ZNRF3: variants seen among roughly 807,000 people sequenced by gnomAD.
ZNRF3 encodes the protein zinc and ring finger 3, also known as E3 ubiquitin-protein ligase ZNRF3.
Under a neutral mutation model 72.5 loss-of-function variants are expected in ZNRF3, and 23 were observed. The ratio of observed to expected loss-of-function variants is 0.32; its 90% CI spans 0.23 to 0.45. The LOEUF (loss-of-function observed/expected upper bound fraction) is 0.45, where lower values mean the gene tolerates loss of function less well. Among genes scored for constraint, ZNRF3 ranks in the 20% least tolerant of loss-of-function variants. ZNRF3 has a pLI of 1.00. For missense variants in ZNRF3, 1,169 were observed against 1,272.1 expected, an observed-to-expected ratio of 0.92 and a Z score of 1.23; for synonymous variants, 610 against 545.3, an observed-to-expected ratio of 1.12 and a Z score of -1.65.
Position 29,048,502 on chromosome 22 carries a change from C to A in ZNRF3, c.1015+11C>A. The stretch of plus-strand genomic sequence containing the variant: ...GGCACAACATCATAGGTAACTGTCA[C>A]CCGCCTTAGCCATTGCTGAAGAGTC... On this transcript the variant is annotated intron_variant, in intron 7 of 8. Coordinates refer to ENST00000544604, the MANE Select transcript of ZNRF3 (RefSeq NM_001206998.2). The surrounding 1 kb of genome is among the most constrained non-coding windows in gnomAD (Gnocchi z 4.9). The A allele has an allele frequency of 6.2e-7, 1 of 1,613,452 alleles. No homozygotes were observed.
At chr22:28,946,825 G>A (rs988733017) in intron 1 of ZNRF3, among the ~76,000 whole-genome samples, 1 of 152,202 alleles carries the variant, frequency 6.6e-6, no homozygotes, top group African/African-American at 2.4e-5. Context: ...TATGGTCTCT[G>A]TTGAGGAGTA....
intron 1 of ZNRF3, among the ~76,000 whole-genome samples, chr22:28,967,950 A>T (rs1287323938): frequency 6.6e-6 from 1 of 151,856 alleles, no homozygotes; most frequent in Non-Finnish European, 1.5e-5. Flanking sequence ...AAAAGAAAAA[A>T]ACACAACTAT....
intron 1 of ZNRF3, among the ~76,000 whole-genome samples, chr22:28,889,188 T>C (rs2033844186): frequency 1.3e-5 from 2 of 152,132 alleles, no homozygotes; most frequent in African/African-American, 4.8e-5. Context: ...CTTGGCTGGT[T>C]AGGATTTTGA....
intron 1 of ZNRF3, among the ~76,000 whole-genome samples, chr22:28,897,004 A>G (rs2034010210): frequency 6.6e-6 from 1 of 152,222 alleles, no homozygotes; most frequent in South Asian, 2.1e-4. Flanking sequence ...CTTGGGCTCA[A>G]GCGATCCTTC....
At chr22:28,944,149 CT>C (rs2035002501) in intron 1 of ZNRF3, among the ~76,000 whole-genome samples, 2 of 152,066 alleles carry the variant, frequency 1.3e-5, no homozygotes, top group Non-Finnish European at 2.9e-5. Flanking sequence ...GGGAGGGTGG[CT>C]TGTAGCAGTA....
intron 2 of ZNRF3, among the ~76,000 whole-genome samples, chr22:29,007,752 C>CTATT (rs2036282616): frequency 2.3e-5 from 1 of 43,676 alleles, no homozygotes; most frequent in African/African-American, 7.3e-5. Context: ...CCATTTCTTC[C>CTATT]TTTTTTTTTT....
intron 1 of ZNRF3, among the ~76,000 whole-genome samples, chr22:28,954,246 A>G (rs2035216225): frequency 6.6e-6 from 1 of 152,182 alleles, no homozygotes; most frequent in African/African-American, 2.4e-5. Context: ...GAAGTCTGAG[A>G]TCAGGGTGCC....
At chr22:28,976,706 T>C (rs902421095) in intron 1 of ZNRF3, among the ~76,000 whole-genome samples, 1 of 152,206 alleles carries the variant, frequency 6.6e-6, no homozygotes, top group African/African-American at 2.4e-5. Flanking sequence ...TGCCTTGCAA[T>C]TTGAAGTAAA....
chr22:28,939,658 C>A (rs1164461437), intron 1 of ZNRF3, among the ~76,000 whole-genome samples: 1 of 152,076 alleles, frequency 6.6e-6, no homozygotes, highest in Non-Finnish European at 1.5e-5. Context: ...CTCTCCTCTG[C>A]AAGTACTGTT....
At chr22:28,966,705 A>G (rs2035468675) in intron 1 of ZNRF3, among the ~76,000 whole-genome samples, 1 of 152,110 alleles carries the variant, frequency 6.6e-6, no homozygotes, top group Non-Finnish European at 1.5e-5. Flanking sequence ...CAGCTGTACA[A>G]TGTGTTTCTT....
chr22:28,931,097 C>G (rs2034697618), intron 1 of ZNRF3, among the ~76,000 whole-genome samples: 1 of 152,146 alleles, frequency 6.6e-6, no homozygotes, highest in African/African-American at 2.4e-5. Context: ...TTGTGCCACC[C>G]TGGAGGAAAA....
intron 2 of ZNRF3, among the ~76,000 whole-genome samples, chr22:28,997,898 G>A (rs1429117980): frequency 6.7e-6 from 1 of 148,860 alleles, no homozygotes; most frequent in Non-Finnish European, 1.5e-5. Flanking sequence ...CAGCTACTCA[G>A]AAGGTTAACA....
At chr22:28,961,860 G>A in intron 1 of ZNRF3, among the ~76,000 whole-genome samples, 1 of 152,166 alleles carries the variant, frequency 6.6e-6, no homozygotes, top group East Asian at 1.9e-4. Flanking sequence ...CTGACTTCCT[G>A]TGGTATTTTA....
chr22:29,016,861 A>G (rs945788511), intron 2 of ZNRF3, among the ~76,000 whole-genome samples: 1 of 152,202 alleles, frequency 6.6e-6, no homozygotes, highest in Non-Finnish European at 1.5e-5. Context: ...GGTGCACTAA[A>G]GCCACCTCTG....
At chr22:28,922,517 C>CT (rs1474461163) in intron 1 of ZNRF3, among the ~76,000 whole-genome samples, 1 of 152,148 alleles carries the variant, frequency 6.6e-6, no homozygotes, top group Admixed American at 6.5e-5. Flanking sequence ...TACTTCTAAT[C>CT]TTTTTTAGCC....
intron 2 of ZNRF3, chr22:29,025,030 G>A (rs1243061762): frequency 6.8e-6 from 1 of 146,744 alleles, no homozygotes; most frequent in East Asian, 2.0e-4. Flanking sequence ...CGCCCAGGCT[G>A]GAGTGCAGTG....
At chr22:28,920,517 C>G (rs953339987) in intron 1 of ZNRF3, among the ~76,000 whole-genome samples, 2 of 152,164 alleles carry the variant, frequency 1.3e-5, no homozygotes, top group Non-Finnish European at 2.9e-5. Flanking sequence ...GTGATCCACC[C>G]ACCTCGGCCT....
At chr22:29,042,379 C>A in intron 2 of ZNRF3, 116 bp from the exon 3 acceptor site, 1 of 750,500 alleles carries the variant, frequency 1.3e-6, no homozygotes, top group South Asian at 1.7e-5. Flanking sequence ...TCCCTGAAGT[C>A]ACCTAAGTTG....
At chr22:29,042,389 G>T in intron 2 of ZNRF3, 106 bp from the exon 3 acceptor site, 1 of 835,870 alleles carries the variant, frequency 1.2e-6, no homozygotes, top group Non-Finnish European at 1.9e-6. Context: ...CACCTAAGTT[G>T]GTAACTGTCA....
Sources: allele counts gnomAD v4.1 joint callset (sites outside exome capture counted in the v4.1 genomes callset), GRCh38; gene constraint gnomAD v4.1.1; non-coding constraint Gnocchi (gnomAD v3.1); transcripts MANE v1.5; gene names NCBI Gene and HGNC (gene_info 2026-07-23, HGNC 2026-07-21).